The following AGBL4 variants were observed in gnomAD, a reference collection of about 807,000 sequenced individuals.
The protein encoded by AGBL4 is AGBL carboxypeptidase 4, also known as cytosolic carboxypeptidase 6.
AGBL4 carries 58 observed loss-of-function variants against 66.4 expected under a neutral mutation model. The observed-to-expected ratio is 0.87, with a 90% CI of 0.71 to 1.09. The LOEUF (loss-of-function observed/expected upper bound fraction) is 1.09. Ranked by LOEUF, AGBL4 falls within the 50% of genes least tolerant of loss-of-function variation. The pLI is 0.00. For missense variants in AGBL4, 579 were observed against 631.0 expected (o/e 0.92, Z 0.88); for synonymous variants, 234 against 222.9 (o/e 1.05, Z -0.44).
At chr1:49,135,949 T>C (rs1646001886) in intron 4 of AGBL4, among the ~76,000 whole-genome samples, 1 of 152,190 alleles carries the variant, frequency 6.6e-6, no homozygotes. Flanking sequence ...TGTAACTGAA[T>C]TGTGAGACCA....
intron 5 of AGBL4, among the ~76,000 whole-genome samples, chr1:49,007,627 G>A (rs886855431): frequency 8.9e-4 from 136 of 152,122 alleles, no homozygotes; most frequent in African/African-American, 3.2e-3. Flanking sequence ...AAGCCAGAGA[G>A]AAAGGTCGGG....
chr1:48,672,726 A>T (rs897050363), intron 6 of AGBL4, among the ~76,000 whole-genome samples: 6 of 152,194 alleles, frequency 3.9e-5, no homozygotes, highest in African/African-American at 1.4e-4. Flanking sequence ...CAGAGTAGAA[A>T]TGTGTGGTCA....
intron 3 of AGBL4, among the ~76,000 whole-genome samples, chr1:49,692,568 A>G (rs1222293087): frequency 1.3e-5 from 2 of 152,102 alleles, no homozygotes; most frequent in East Asian, 3.9e-4. Flanking sequence ...AATACAAAAA[A>G]TTAGCTGGGC....
rs765034126 is a variant in AGBL4 at position 48,736,107 on chromosome 1, G to A, written c.635-72866C>T. 6 of 994,166 alleles carry A rather than the reference G, an allele frequency of 6.0e-6. No individual in the cohort carries two copies. In the South Asian group the frequency reaches 9.3e-5, roughly 15 times the overall value. The allele number at this position is 994,166 out of a possible 1,614,324, so 61.6% of individuals were successfully genotyped here. ...GGGGCATTTGGGTTATCCGCTTGGT[G>A]TCCCCGGGCTCAGCCCAGGGTCTGG... On this transcript the variant is annotated intron_variant, in intron 6 of 13. Transcript: ENST00000371839. The surrounding 1 kb of genome is among the most constrained non-coding windows in gnomAD (Gnocchi z 4.0).
chr1:48,989,795 C>G (rs910251389), intron 5 of AGBL4, among the ~76,000 whole-genome samples: 5 of 152,166 alleles, frequency 3.3e-5, no homozygotes, highest in African/African-American at 1.2e-4. Context: ...ACTTAGGTTG[C>G]TTCCAGATCT....
chr1:49,539,986 A>C (rs183387763), intron 3 of AGBL4, among the ~76,000 whole-genome samples: 1 of 152,326 alleles, frequency 6.6e-6, no homozygotes, highest in African/African-American at 2.4e-5. Context: ...TAAAAAAATT[A>C]AGGGCAAATT....
At chr1:48,652,724 A>G (rs1645951223) in intron 8 of AGBL4, among the ~76,000 whole-genome samples, 2 of 152,172 alleles carry the variant, frequency 1.3e-5, no homozygotes, top group Admixed American at 6.5e-5. Flanking sequence ...TTTGGCAGAT[A>G]ATCTTCTGGG....
intron 3 of AGBL4, among the ~76,000 whole-genome samples, chr1:49,261,891 G>C (rs1275295915): frequency 6.7e-6 from 1 of 149,800 alleles, no homozygotes; most frequent in Non-Finnish European, 1.5e-5. Context: ...GAGGCATCAC[G>C]CTACCTGACT....
rs1437458618 is a variant in AGBL4 at position 49,727,412 on chromosome 1, T to C, written c.158-29975A>G. ...GAAGAATAAAGACAGAAATTTCATT[T>C]CTGTATTTGACATAAAAGCATTACA... On this transcript the variant is annotated intron_variant, in intron 2 of 13. Transcript: ENST00000371839. Among the ~76,000 whole-genome samples the C allele has an allele frequency of 2.6e-5, 4 of 152,126 alleles. No homozygotes were observed. The East Asian group carries it at 5.8e-4, about 22-fold the overall frequency.
chr1:49,861,223 G>T (rs1346998179), intron 1 of AGBL4, among the ~76,000 whole-genome samples: 1 of 152,100 alleles, frequency 6.6e-6, no homozygotes, highest in Admixed American at 6.5e-5. Context: ...CAACTTTTAG[G>T]TAAGCCTAGA....
At chr1:49,245,901 A>G in intron 3 of AGBL4, 37 bp from the exon 4 acceptor site, 1 of 1,438,072 alleles carries the variant, frequency 7.0e-7, no homozygotes, top group Admixed American at 2.0e-5. Flanking sequence ...TCTTTATGCT[A>G]TGCAAATTGT....
intron 4 of AGBL4, among the ~76,000 whole-genome samples, chr1:49,058,421 A>G (rs1644344474): frequency 6.6e-6 from 1 of 152,192 alleles, no homozygotes; most frequent in African/African-American, 2.4e-5. Flanking sequence ...CCTTCTTGCC[A>G]TCATGTGAAG....
Position 49,350,282 on chromosome 1 carries a change from C to T in AGBL4, c.283-104418G>A, listed in dbSNP as rs557462942. 8.6e-3 allele frequency among the ~76,000 whole-genome samples: 1,276 copies of T among 149,166 alleles called. 11 individuals carry two copies. The highest frequency in any genetic ancestry group is 0.014 in the Non-Finnish European group (925 of 67,320). ...GCAGTGGCGGGATCTCGGCTCACTGCAAGCTCCGCCTCCCGGGTTCACGCC... is the reference window on the plus strand; with the variant it reads ...GCAGTGGCGGGATCTCGGCTCACTGTAAGCTCCGCCTCCCGGGTTCACGCC... On this transcript the variant is annotated intron_variant, in intron 3 of 13. Coordinates refer to ENST00000371839, the MANE Select transcript of AGBL4 (RefSeq NM_032785.4).
chr1:48,607,240 T>C (rs1454171442), intron 9 of AGBL4, among the ~76,000 whole-genome samples: 6 of 152,090 alleles, frequency 3.9e-5, no homozygotes, highest in Non-Finnish European at 7.4e-5. Context: ...AAAATATAGT[T>C]CCTTTGTCCT....
chr1:48,963,873 A>G (rs1658206510), intron 5 of AGBL4, among the ~76,000 whole-genome samples: 2 of 152,186 alleles, frequency 1.3e-5, no homozygotes, highest in African/African-American at 2.4e-5. Context: ...CCTATATATC[A>G]TTTCACTGGA....
Position 49,156,834 on chromosome 1 carries a change from A to T in AGBL4, c.377+88936T>A, listed in dbSNP as rs1014789878. On this transcript the variant is annotated intron_variant, in intron 4 of 13. Transcript: ENST00000371839. The stretch of plus-strand genomic sequence containing the variant: ...GGAGACTCACAAGAGTTTAGGGTGA[A>T]GATCACTGGGAGCCATCTTGAAGGG... 2.0e-5 allele frequency among the ~76,000 whole-genome samples: 3 copies of T among 152,202 alleles called. No homozygotes were observed. The South Asian group carries it at 6.2e-4, about 32-fold the overall frequency.
At chr1:48,748,986 G>A (rs956170905) in intron 6 of AGBL4, among the ~76,000 whole-genome samples, 2 of 151,982 alleles carry the variant, frequency 1.3e-5, no homozygotes, top group Admixed American at 6.6e-5. Flanking sequence ...CCATACCCTC[G>A]GGGAATCTGA....
chr1:48,767,861 C>T (rs1644607188), intron 6 of AGBL4, among the ~76,000 whole-genome samples: 1 of 152,194 alleles, frequency 6.6e-6, no homozygotes, highest in Admixed American at 6.5e-5. Context: ...TTTCCTCCTC[C>T]TTTCTAGCTA....
intron 1 of AGBL4, among the ~76,000 whole-genome samples, chr1:49,851,750 A>C (rs1646311335): frequency 6.6e-6 from 1 of 152,128 alleles, no homozygotes; most frequent in Non-Finnish European, 1.5e-5. Flanking sequence ...CAATCAACCT[A>C]GTATCTTTAC....
Sources: allele counts gnomAD v4.1 joint callset (sites outside exome capture counted in the v4.1 genomes callset), GRCh38; gene constraint gnomAD v4.1.1; non-coding constraint Gnocchi (gnomAD v3.1); transcripts MANE v1.5; gene names NCBI Gene and HGNC (gene_info 2026-07-23, HGNC 2026-07-21).